Variants in PRDM1 observed in about 807,000 individuals in gnomAD.
The protein encoded by PRDM1 is PR domain zinc finger protein 1.
A neutral mutation model predicts 62.8 loss-of-function variants in PRDM1; 13 were observed. The ratio of observed to expected loss-of-function variants is 0.21; its 90% confidence interval spans 0.13 to 0.33. The LOEUF (loss-of-function observed/expected upper bound fraction) is 0.33, where lower values mean the gene tolerates loss of function less well. Among genes scored for constraint, PRDM1 ranks in the 10% least tolerant of loss-of-function variants. The pLI, the probability that PRDM1 is intolerant of heterozygous loss-of-function variation, is 1.00. For synonymous variants in PRDM1, 396 were observed against 417.6 expected, an observed-to-expected ratio of 0.95 and a Z score of 0.63; for missense variants, 895 against 1,058.8, an observed-to-expected ratio of 0.85 and a Z score of 2.15.
chr6:106,078,598 G>A (rs1355701029), intron 1 of PRDM1, among the ~76,000 whole-genome samples: 4 of 152,340 alleles, frequency 2.6e-5, no homozygotes, highest in South Asian at 2.1e-4. Flanking sequence ...ATGGCTGGGC[G>A]CAGTGGCTCA....
At chr6:106,065,835 T>C (rs1773424325) in intron 1 of PRDM1, among the ~76,000 whole-genome samples, 1 of 152,236 alleles carries the variant, frequency 6.6e-6, no homozygotes. Context: ...CCTAATGGAT[T>C]GACTTCCAAA....
At chr6:106,034,638 T>C (rs909586677) in intron 1 of PRDM1, among the ~76,000 whole-genome samples, 1 of 141,508 alleles carries the variant, frequency 7.1e-6, no homozygotes, top group African/African-American at 2.6e-5. Flanking sequence ...TCTCTCTCTT[T>C]TTTTTTTTTT....
chr6:106,096,965 T>C lies in PRDM1; in HGVS notation c.411+1231T>C, dbSNP rs146082475. Among the ~76,000 whole-genome samples, 119 of 152,336 alleles carry C rather than the reference T, an allele frequency of 7.8e-4. 5 individuals are homozygous for C. The East Asian group carries it at 0.019, about 24-fold the overall frequency. On this transcript the variant is annotated intron_variant, in intron 3 of 6. Coordinates refer to ENST00000369096, the MANE Select transcript of PRDM1 (RefSeq NM_001198.4). The stretch of plus-strand genomic sequence containing the variant: ...GCTTGCTTTAGCTGGTATTTTTGCC[T>C]AGAACGATTATATCGTTCGGACAAG...
intron 1 of PRDM1, among the ~76,000 whole-genome samples, chr6:106,061,851 T>C (rs1272660583): frequency 6.6e-6 from 1 of 152,200 alleles, no homozygotes; most frequent in African/African-American, 2.4e-5. Flanking sequence ...TTAATGGAGT[T>C]AGAATTTAGA....
At chr6:106,065,615 T>C (rs1773420664) in intron 1 of PRDM1, among the ~76,000 whole-genome samples, 2 of 152,236 alleles carry the variant, frequency 1.3e-5, no homozygotes, top group South Asian at 2.1e-4. Context: ...TTTTAATTAC[T>C]GCACAAAAGG....
chr6:106,040,437 T>C (rs1219718734), intron 1 of PRDM1, among the ~76,000 whole-genome samples: 1 of 152,186 alleles, frequency 6.6e-6, no homozygotes, highest in African/African-American at 2.4e-5. Context: ...ATTTACCTTC[T>C]AGTAAAAGGA....
intron 1 of PRDM1, chr6:106,087,715 T>G: frequency 4.3e-6 from 1 of 232,800 alleles, no homozygotes. Context: ...CAGGCTGGGT[T>G]CCGCTCCTGC....
Position 105,994,122 on chromosome 6 carries a change from G to A in PRDM1, c.-67+483G>A, listed in dbSNP as rs1336352529. On this transcript the variant is annotated intron_variant, in intron 1 of 6. Coordinates refer to the PRDM1 transcript ENST00000652320. This position sits in a 1 kb window ranked among gnomAD's most constrained non-coding sequence, Gnocchi z 4.1. ...CAAAGTTTTAAAAAGCGCGGGGACG[G>A]TGGAGAGGGAGGCGAAGAGCCCGCG... Among the ~76,000 whole-genome samples, 1 of 152,178 alleles carries A rather than the reference G, an allele frequency of 6.6e-6. No individual in the cohort carries two copies. Among genetic ancestry groups the A allele is most frequent in the Non-Finnish European group, 1.5e-5 (1 of 68,022 alleles).
intron 1 of PRDM1, among the ~76,000 whole-genome samples, chr6:106,012,866 T>G (rs1392304165): frequency 6.6e-6 from 1 of 152,240 alleles, no homozygotes; most frequent in Non-Finnish European, 1.5e-5. Context: ...GTTTTTAATT[T>G]GTCAGATGGC....
intron 2 of PRDM1, among the ~76,000 whole-genome samples, chr6:106,088,753 C>T (rs1330962053): frequency 6.6e-6 from 1 of 152,240 alleles, no homozygotes; most frequent in Non-Finnish European, 1.5e-5. Context: ...TTCAAGAAAG[C>T]TCTGGGCCCA....
chr6:106,002,255 C>G (rs1772435336), intron 1 of PRDM1, among the ~76,000 whole-genome samples: 1 of 152,120 alleles, frequency 6.6e-6, no homozygotes, highest in African/African-American at 2.4e-5. Context: ...CCTTCTAACC[C>G]TTGCTGCTCT....
chr6:106,086,123 G>T (rs1445743067), upstream of PRDM1, among the ~76,000 whole-genome samples: 1 of 152,190 alleles, frequency 6.6e-6, no homozygotes, highest in East Asian at 1.9e-4. Flanking sequence ...CCAAGTAAGC[G>T]TTGAGGTTAA....
intron 1 of PRDM1, among the ~76,000 whole-genome samples, chr6:106,026,655 C>T (rs1772771151): frequency 6.6e-6 from 1 of 151,998 alleles, no homozygotes. Flanking sequence ...TGGATGACAC[C>T]CAATAATTAG....
intron 1 of PRDM1, among the ~76,000 whole-genome samples, chr6:106,071,668 T>C (rs1370820243): frequency 1.3e-5 from 2 of 152,184 alleles, no homozygotes; most frequent in African/African-American, 4.8e-5. Flanking sequence ...CTTGGCCTCA[T>C]TATCCCAGTT....
rs1774569001 is a variant in PRDM1 at position 106,108,321 on chromosome 6, C to T, written c.*835C>T. On this transcript the variant is annotated 3_prime_UTR_variant, in exon 7 of 7. Coordinates refer to ENST00000369096, the MANE Select transcript of PRDM1 (RefSeq NM_001198.4). Reference sequence around the variant, plus strand: ...AAAAGAGCAGAATCCTCCCACCGCCCTGCCCTCCCCACCGAGTCCTGTGGC... The same window carrying T: ...AAAAGAGCAGAATCCTCCCACCGCCTTGCCCTCCCCACCGAGTCCTGTGGC... The T allele has an allele frequency of 4.3e-6, 1 of 233,576 alleles. No individual in the cohort carries two copies. The highest frequency in any genetic ancestry group is 5.6e-5 in the Admixed American group (1 of 17,772). 14.5% of individuals were successfully genotyped at this position (233,576 alleles called of 1,614,324 possible).
intron 1 of PRDM1, among the ~76,000 whole-genome samples, chr6:106,055,217 A>C (rs1317065896): frequency 1.3e-5 from 2 of 152,224 alleles, no homozygotes; most frequent in East Asian, 3.8e-4. Flanking sequence ...AGGGTCCTTA[A>C]ATGTGTATCT....
At chr6:106,028,134 G>A (rs1772790961) in intron 1 of PRDM1, among the ~76,000 whole-genome samples, 2 of 152,108 alleles carry the variant, frequency 1.3e-5, no homozygotes, top group African/African-American at 4.8e-5. Flanking sequence ...CTTTGCTTTT[G>A]GAGATAATGT....
At chr6:106,010,602 C>A (rs1772533358) in intron 1 of PRDM1, among the ~76,000 whole-genome samples, 1 of 152,134 alleles carries the variant, frequency 6.6e-6, no homozygotes. Context: ...AGCTAATTGA[C>A]CTTATCACCT....
chr6:106,076,462 G>A (rs1773607455), intron 1 of PRDM1, among the ~76,000 whole-genome samples: 2 of 152,078 alleles, frequency 1.3e-5, no homozygotes, highest in Admixed American at 1.3e-4. Flanking sequence ...GAATTGGATG[G>A]TGTTGATTAT....
Sources: allele counts gnomAD v4.1 joint callset (sites outside exome capture counted in the v4.1 genomes callset), GRCh38; gene constraint gnomAD v4.1.1; non-coding constraint Gnocchi (gnomAD v3.1); transcripts MANE v1.5; gene names NCBI Gene and HGNC (gene_info 2026-07-23, HGNC 2026-07-21).